Variants in SPESP1 observed in about 807,000 individuals in gnomAD.
The protein encoded by SPESP1 is equatorial segment protein.
A neutral mutation model predicts 3.1 loss-of-function variants in SPESP1; 1 was observed. The observed-to-expected ratio is 0.33, with a 90% confidence interval of 0.12 to 1.54. The LOEUF (loss-of-function observed/expected upper bound fraction) is 1.54, where lower values mean the gene tolerates loss of function less well. SPESP1 is among the 40% of genes most tolerant of loss of function. SPESP1 has a pLI of 0.38. For synonymous variants in SPESP1, 138 were observed against 150.7 expected, an observed-to-expected ratio of 0.92 and a Z score of 0.62; for missense variants, 398 against 410.1, an observed-to-expected ratio of 0.97 and a Z score of 0.26.
intron 1 of SPESP1, among the ~76,000 whole-genome samples, chr15:68,931,002 T>C (rs1355927229): frequency 5.3e-5 from 8 of 152,294 alleles, no homozygotes; most frequent in African/African-American, 1.2e-4. Context: ...GCCCACCCGA[T>C]CCTTCCCCAG....
chr15:68,932,212 G>A (rs952155271), intron 1 of SPESP1, among the ~76,000 whole-genome samples: 2 of 152,170 alleles, frequency 1.3e-5, no homozygotes, highest in Non-Finnish European at 2.9e-5. Flanking sequence ...TTTGGTAGTT[G>A]TAGATCAGCA....
chr15:68,942,325 T>G (rs987970078), intron 1 of SPESP1, among the ~76,000 whole-genome samples: 3 of 152,212 alleles, frequency 2.0e-5, no homozygotes, highest in African/African-American at 7.2e-5. Flanking sequence ...TAGTAGCTTT[T>G]CAATGGATTC....
chr15:68,932,729 T>G (rs983291447), intron 1 of SPESP1, among the ~76,000 whole-genome samples: 1 of 152,140 alleles, frequency 6.6e-6, no homozygotes, highest in Non-Finnish European at 1.5e-5. Context: ...TCCCTAATCT[T>G]TCTTGGGAAG....
At position 68,930,705 on chromosome 15, in the gene SPESP1, C is replaced by T. The variant is rs756017314; in HGVS notation, c.52C>T (p.Pro18Ser). ...VALLLWPSSV[P>S]AYPSITVTPD... ...GCTTTTGCTATGGCCTTCGTCTGTG[C>T]CGGCTTATCCGAGTGAGTGACGGGC... The change falls in exon 1 of 2, where the codon CCG becomes TCG. Residue 18 changes from proline to serine, a missense_variant. Transcript: ENST00000310673. 6 of 1,613,838 alleles carry T rather than the reference C, an allele frequency of 3.7e-6. No homozygotes were observed. In the African/African-American group the frequency reaches 4.0e-5, roughly 11 times the overall value.
In SPESP1 at chr15:68,945,975, A is replaced by AGAGCCG; in HGVS notation, c.447_452dup (p.Glu150_Pro151dup). The AGAGCCG allele has an allele frequency of 1.2e-6, 2 of 1,614,024 alleles. No individual in the cohort carries two copies. Among genetic ancestry groups the AGAGCCG allele is most frequent in the Non-Finnish European group, 1.7e-6 (2 of 1,180,022 alleles). On this transcript the variant is annotated inframe_insertion, in exon 2 of 2. Transcript: ENST00000310673. Reference sequence around the variant, plus strand: ...ATATTGAAAATGAAGAGCCAGAGCCAGAGCCGGAGCCAGCTGCAAAACAAA... The same window carrying AGAGCCG: ...ATATTGAAAATGAAGAGCCAGAGCCAGAGCCGGAGCCGGAGCCAGCTGCAAAACAAA...
At chr15:68,934,302 G>A (rs1053085968) in intron 1 of SPESP1, among the ~76,000 whole-genome samples, 1 of 152,158 alleles carries the variant, frequency 6.6e-6, no homozygotes, top group Non-Finnish European at 1.5e-5. Flanking sequence ...GAAGGTAAGG[G>A]AAACAATAAG....
At position 68,946,127 on chromosome 15, in the gene SPESP1, A is replaced by G; in HGVS notation, c.593A>G (p.Asp198Gly). The G allele has an allele frequency of 1.9e-6, 3 of 1,614,198 alleles. No homozygotes were observed. Among genetic ancestry groups the G allele is most frequent in the South Asian group, 1.1e-5 (1 of 91,086 alleles). The change falls in exon 2 of 2, where the codon GAT (aspartate) becomes GGT (glycine). Residue 198 changes from aspartate (D) to glycine (G), a missense_variant. Asp to Gly is a moderately conservative substitution (Grantham distance 94). Transcript: ENST00000310673. Reference protein sequence around the residue: ...TGIGISTESEDVPQLSGETAI... With the variant: ...TGIGISTESEGVPQLSGETAI... The stretch of plus-strand genomic sequence containing the variant: ...ATTGGGATCTCTACAGAATCAGAAG[A>G]TGTTCCTCAGCTCTCAGGTGAAACT...
In SPESP1 at chr15:68,946,404, T is replaced by C; in HGVS notation, c.870T>C (p.Ser290=). 6.2e-7 allele frequency: 1 copy of C among 1,614,066 alleles called. No homozygotes were observed. The highest frequency in any genetic ancestry group is 8.5e-7 in the Non-Finnish European group (1 of 1,179,990). ...AGTTATTGCCAGTAGGACGAACAAGTAATAAAATTGATGACATCGAAACTG... is the reference window on the plus strand; with the variant it reads ...AGTTATTGCCAGTAGGACGAACAAGCAATAAAATTGATGACATCGAAACTG... The part of the protein sequence containing the change: ...KSQLLPVGRT[S]NKIDDIETVI... Residue 290 remains serine (S), a synonymous_variant, in exon 2 of 2, where the codon AGT becomes AGC. Coordinates refer to ENST00000310673, the MANE Select transcript of SPESP1 (RefSeq NM_145658.4).
chr15:68,935,325 A>G (rs1033569776), intron 1 of SPESP1, among the ~76,000 whole-genome samples: 1 of 152,184 alleles, frequency 6.6e-6, no homozygotes, highest in African/African-American at 2.4e-5. Flanking sequence ...CTATGGGTTC[A>G]CTAGACTCAG....
intron 1 of SPESP1, among the ~76,000 whole-genome samples, chr15:68,940,072 GA>G (rs1451980468): frequency 6.6e-6 from 1 of 152,022 alleles, no homozygotes; most frequent in African/African-American, 2.4e-5. Context: ...CAAGTACAAA[GA>G]ATTACATAAT....
At chr15:68,931,575 C>T (rs1895541871) in intron 1 of SPESP1, among the ~76,000 whole-genome samples, 1 of 152,166 alleles carries the variant, frequency 6.6e-6, no homozygotes, top group Non-Finnish European at 1.5e-5. Flanking sequence ...GGACACTCAC[C>T]TGAGGATGCG....
At chr15:68,937,505 C>A (rs1420608272) in intron 1 of SPESP1, among the ~76,000 whole-genome samples, 1 of 151,312 alleles carries the variant, frequency 6.6e-6, no homozygotes, top group Non-Finnish European at 1.5e-5. Context: ...TTTATTTCTT[C>A]TAAAAAAAAA....
rs571506738 is a variant in SPESP1, at chr15:68,932,047, C to T, written c.64+1330C>T. Among the ~76,000 whole-genome samples the T allele has an allele frequency of 4.6e-5, 7 of 152,196 alleles. No individual in the cohort carries two copies. In the South Asian group the frequency reaches 1.5e-3, roughly 32 times the overall value. On this transcript the variant is annotated intron_variant, in intron 1 of 1. Coordinates refer to ENST00000310673, the MANE Select transcript of SPESP1 (RefSeq NM_145658.4). ...TGAAGTTCTAGGTAACTAAAGTTAGCTCTTTAAATACTAGCATTTATGATT... is the reference window on the plus strand; with the variant it reads ...TGAAGTTCTAGGTAACTAAAGTTAGTTCTTTAAATACTAGCATTTATGATT...
chr15:68,939,465 G>T (rs935512387), intron 1 of SPESP1, among the ~76,000 whole-genome samples: 2 of 152,186 alleles, frequency 1.3e-5, no homozygotes, highest in Non-Finnish European at 2.9e-5. Context: ...GACAGTTGAG[G>T]CTCCACTATC....
At position 68,945,645 on chromosome 15, in the gene SPESP1, A is replaced by T. The variant is rs369635230; in HGVS notation, c.111A>T (p.Ile37=). The T allele has an allele frequency of 8.1e-6, 13 of 1,598,404 alleles. No individual in the cohort carries two copies. Among genetic ancestry groups the T allele is most frequent in the Non-Finnish European group, 1.1e-5 (13 of 1,176,114 alleles). ...PDEEQNLNHY[I]QVLENLVRSV... ...AAGAGCAAAACTTGAATCATTATAT[A>T]CAAGTTTTAGAGAACCTAGTACGAA... is the stretch of plus-strand genomic sequence containing the variant. The change falls in exon 2 of 2, where the codon ATA becomes ATT. Residue 37 remains isoleucine, a synonymous_variant. Transcript: ENST00000310673.
chr15:68,944,357 C>A (rs1895905497), intron 1 of SPESP1, among the ~76,000 whole-genome samples: 1 of 149,880 alleles, frequency 6.7e-6, no homozygotes. Flanking sequence ...TTTAGGAGAC[C>A]CCTCAAAAAA....
Position 68,946,594 on chromosome 15 carries a change from A to G in SPESP1, c.*7A>G. 2 of 1,434,062 alleles carry G rather than the reference A, an allele frequency of 1.4e-6. No homozygotes were observed. Among genetic ancestry groups the G allele is most frequent in the Non-Finnish European group, 1.8e-6 (2 of 1,096,604 alleles). 88.8% of individuals were successfully genotyped at this position (1,434,062 alleles called of 1,614,324 possible). On this transcript the variant is annotated 3_prime_UTR_variant, in exon 2 of 2. Coordinates refer to ENST00000310673, the MANE Select transcript of SPESP1 (RefSeq NM_145658.4). ...CTTATTAAAAGTTTATTAAACAATAATATAAAAATTTTAAACCTACTTGAT... is the reference window on the plus strand; with the variant it reads ...CTTATTAAAAGTTTATTAAACAATAGTATAAAAATTTTAAACCTACTTGAT...
chr15:68,944,215 A>G (rs562030962), intron 1 of SPESP1, among the ~76,000 whole-genome samples: 1 of 152,236 alleles, frequency 6.6e-6, no homozygotes, highest in East Asian at 1.9e-4. Flanking sequence ...GAATTCCAGA[A>G]TATCTTAATA....
At chr15:68,939,796 TAGTA>T (rs1463037497) in intron 1 of SPESP1, 6 of 152,274 alleles carry the variant, frequency 3.9e-5, no homozygotes, top group African/African-American at 1.4e-4. Flanking sequence ...AATCAGCTAG[TAGTA>T]AGTATCTCCT....
Sources: gnomAD v4.1 joint callset for allele counts (sites outside exome capture counted in the v4.1 genomes callset) on GRCh38, gnomAD v4.1.1 for gene constraint, MANE v1.5 for transcripts, NCBI Gene and HGNC (gene_info 2026-07-23, HGNC 2026-07-21) for gene names.